The following KALRN variants were observed in gnomAD, a reference collection of about 807,000 sequenced individuals.
KALRN encodes kalirin RhoGEF kinase.
KALRN carries 70 observed loss-of-function variants against 353.7 expected under a neutral mutation model. The observed-to-expected ratio is 0.20, with a 90% CI of 0.16 to 0.24. The LOEUF is 0.24. Among genes scored for constraint, KALRN ranks in the 10% least tolerant of loss-of-function variants. The pLI, the probability that KALRN is intolerant of heterozygous loss-of-function variation, is 1.00. For missense variants in KALRN, 2,791 were observed against 3,756.7 expected (o/e 0.74, Z 6.72); for synonymous variants, 1,391 against 1,434.8 (o/e 0.97, Z 0.69).
At chr3:124,348,120 AT>A (rs2082464784) in intron 10 of KALRN, among the ~76,000 whole-genome samples, 1 of 152,166 alleles carries the variant, frequency 6.6e-6, no homozygotes, top group African/African-American at 2.4e-5. Flanking sequence ...ATCAGGCGTG[AT>A]TAGCTGCCAT....
At chr3:124,133,374 G>C (rs2065539614) in intron 1 of KALRN, among the ~76,000 whole-genome samples, 1 of 152,180 alleles carries the variant, frequency 6.6e-6, no homozygotes, top group Non-Finnish European at 1.5e-5. Context: ...TGTCTATTAA[G>C]TAATGAAACA....
intron 6 of KALRN, among the ~76,000 whole-genome samples, chr3:124,304,774 T>C (rs1033947571): frequency 7.2e-5 from 11 of 152,184 alleles, no homozygotes; most frequent in African/African-American, 2.7e-4. Flanking sequence ...TCCAGAAAGC[T>C]TCAACCAAGA....
intron 6 of KALRN, among the ~76,000 whole-genome samples, chr3:124,304,269 C>A (rs2077506674): frequency 6.6e-6 from 1 of 152,026 alleles, no homozygotes; most frequent in African/African-American, 2.4e-5. Flanking sequence ...TCAATCTTAT[C>A]CAGTAAGCAT....
chr3:124,124,178 C>T (rs1053300391), intron 1 of KALRN, among the ~76,000 whole-genome samples: 2 of 152,080 alleles, frequency 1.3e-5, no homozygotes, highest in African/African-American at 4.8e-5. Flanking sequence ...ATTTGTGGTT[C>T]GTGGGAGGAG....
At position 124,098,895 on chromosome 3, in the gene KALRN, T is replaced by G. The variant is rs529230025; in HGVS notation, c.73+65082T>G. Among the ~76,000 whole-genome samples, 6 of 152,372 alleles carry G rather than the reference T, an allele frequency of 3.9e-5. No homozygotes were observed. The East Asian group carries it at 1.2e-3, about 29-fold the overall frequency. On this transcript the variant is annotated intron_variant, in intron 1 of 59. Transcript: ENST00000682506. ...ATAGTGACAGAAGTACAAAAATTAC[T>G]GATGTTTGTCATTATGTCAGCATCT...
In KALRN at chr3:124,399,125, G is replaced by GTTTGT. The variant is rs1236840395; in HGVS notation, c.2346+256_2346+257insTGTTT. The stretch of plus-strand genomic sequence containing the variant: ...TGAGAAGTTTTTTTTGTTTGTTTTT[G>GTTTGT]TTCGTTTTGTTTTGTTTTGTTTTGT... On this transcript the variant is annotated intron_variant, in intron 13 of 59. Coordinates refer to ENST00000682506, the MANE Select transcript of KALRN (RefSeq NM_001388419.1). Among the ~76,000 whole-genome samples the GTTTGT allele has an allele frequency of 2.6e-4, 37 of 141,630 alleles. No individual in the cohort carries two copies. In the East Asian group the frequency reaches 6.0e-3, roughly 23 times the overall value. 92.9% of individuals were successfully genotyped at this position (141,630 alleles called of 152,430 possible). A position where few individuals can be genotyped will look rare whatever the true frequency, so the allele number is the denominator to read the frequency against.
chr3:124,108,939 C>T (rs1487103131), intron 1 of KALRN, among the ~76,000 whole-genome samples: 1 of 152,122 alleles, frequency 6.6e-6, no homozygotes, highest in Non-Finnish European at 1.5e-5. Context: ...ATTTGGGATG[C>T]TTTTGGCTGC....
At chr3:124,181,291 C>A (rs2073566405) in intron 1 of KALRN, among the ~76,000 whole-genome samples, 1 of 151,988 alleles carries the variant, frequency 6.6e-6, no homozygotes, top group African/African-American at 2.4e-5. Context: ...TTAACATTCC[C>A]AGGCTAGACC....
Position 124,713,100 on chromosome 3 carries a change from T to C in KALRN, c.8241T>C (p.Tyr2747=), listed in dbSNP as rs1239853708. 6.2e-7 allele frequency: 1 copy of C among 1,613,842 alleles called. No homozygotes were observed. Among genetic ancestry groups the C allele is most frequent in the African/African-American group, 1.3e-5 (1 of 74,920 alleles). The change falls in exon 58 of 60, where the codon TAT becomes TAC. Residue 2747 remains tyrosine (Y), a synonymous_variant. Coordinates refer to ENST00000682506, the MANE Select transcript of KALRN (RefSeq NM_001388419.1). ...AGTACATCACTCTCCATGACACCTA[T>C]GAGTCCCCCACATCCTACATCCTGA... The part of the protein sequence containing the change: ...HPQYITLHDT[Y]ESPTSYILIL...
At chr3:124,263,606 A>T (rs1225094307) in intron 3 of KALRN, among the ~76,000 whole-genome samples, 3 of 152,292 alleles carry the variant, frequency 2.0e-5, no homozygotes, top group Admixed American at 1.3e-4. Flanking sequence ...AAAAAAAAGT[A>T]AAAAGAAATA....
chr3:124,150,885 A>G lies in KALRN; in HGVS notation c.74-77105A>G, dbSNP rs560308304. On this transcript the variant is annotated intron_variant, in intron 1 of 59. Coordinates refer to ENST00000682506, the MANE Select transcript of KALRN (RefSeq NM_001388419.1). The stretch of plus-strand genomic sequence containing the variant: ...TTTCTGTTGACTAGCTCCTCCTCTC[A>G]AGGGTAATCTCTGTGGCAACTCCCA... Among the ~76,000 whole-genome samples the G allele has an allele frequency of 2.0e-3, 310 of 152,220 alleles. 3 individuals are homozygous for G. The highest frequency in any genetic ancestry group is 3.3e-3 in the Non-Finnish European group (225 of 67,998).
chr3:124,487,480 T>C (rs2062693279), intron 28 of KALRN, among the ~76,000 whole-genome samples: 1 of 152,174 alleles, frequency 6.6e-6, no homozygotes, highest in Admixed American at 6.5e-5. Context: ...AGACTTGGAT[T>C]CAGGAGACCT....
At chr3:124,191,901 T>A (rs1019648416) in intron 1 of KALRN, among the ~76,000 whole-genome samples, 3 of 152,224 alleles carry the variant, frequency 2.0e-5, no homozygotes, top group African/African-American at 7.2e-5. Flanking sequence ...TTAGACTCTG[T>A]CTTTTAATGG....
chr3:124,183,856 G>T (rs1044452784), intron 1 of KALRN, among the ~76,000 whole-genome samples: 2 of 152,176 alleles, frequency 1.3e-5, no homozygotes, highest in African/African-American at 4.8e-5. Context: ...AAATGTCTTT[G>T]TTCCAGGAAA....
intron 51 of KALRN, among the ~76,000 whole-genome samples, chr3:124,680,677 C>A (rs992157661): frequency 6.6e-6 from 1 of 152,160 alleles, no homozygotes; most frequent in Non-Finnish European, 1.5e-5. Flanking sequence ...GGCCTAAGAG[C>A]CGGTAAGTCA....
chr3:124,512,957 G>A (rs554190944), intron 33 of KALRN, among the ~76,000 whole-genome samples: 11 of 152,200 alleles, frequency 7.2e-5, no homozygotes, highest in African/African-American at 2.6e-4. Context: ...AGTTGCTGGG[G>A]TCCACCCTCT....
At chr3:124,677,448 GA>G (rs1280101050) in intron 49 of KALRN, 1 of 364,130 alleles carries the variant, frequency 2.7e-6, no homozygotes, top group Non-Finnish European at 5.3e-6. Flanking sequence ...AAGGCCTATT[GA>G]AAAGCCATTG....
chr3:124,658,635 C>A, intron 42 of KALRN, 118 bp downstream of exon 42: 1 of 754,040 alleles, frequency 1.3e-6, no homozygotes. Flanking sequence ...CACCGTTGAC[C>A]CATTCATGGC....
intron 9 of KALRN, among the ~76,000 whole-genome samples, chr3:124,338,268 C>T (rs1649812604): frequency 6.6e-6 from 1 of 152,212 alleles, no homozygotes; most frequent in African/African-American, 2.4e-5. Context: ...CTCCTGTGGG[C>T]ATTTAGTGCT....
Sources: allele counts gnomAD v4.1 joint callset (sites outside exome capture counted in the v4.1 genomes callset), GRCh38; gene constraint gnomAD v4.1.1; transcripts MANE v1.5; gene names NCBI Gene and HGNC (gene_info 2026-07-23, HGNC 2026-07-21).